Variants in AVEN observed in about 807,000 individuals in gnomAD.
AVEN encodes apoptosis and caspase activation inhibitor.
Under a neutral mutation model 38.1 loss-of-function variants are expected in AVEN, and 41 were observed. That is an observed-to-expected ratio of 1.08 (90% CI 0.84 to 1.40). The LOEUF is 1.40. AVEN is among the 40% of genes most tolerant of loss of function. AVEN has a pLI of 0.00. For synonymous variants in AVEN, 206 were observed against 171.8 expected, an observed-to-expected ratio of 1.20 and a Z score of -1.56; for missense variants, 605 against 438.8, an observed-to-expected ratio of 1.38 and a Z score of -3.38.
intron 11 of AVEN, among the ~76,000 whole-genome samples, chr15:33,860,005 C>T (rs2153014465): frequency 6.6e-6 from 1 of 152,302 alleles, no homozygotes; most frequent in South Asian, 2.1e-4. Context: ...ACTTCTGCTT[C>T]TGAGATCTCT....
intron 1 of AVEN, among the ~76,000 whole-genome samples, chr15:34,018,623 G>C (rs1487987652): frequency 9.2e-5 from 14 of 152,218 alleles, no homozygotes; most frequent in Admixed American, 9.2e-4. Flanking sequence ...GCAGCAGCAA[G>C]ACTTATTGTG....
intron 2 of AVEN, among the ~76,000 whole-genome samples, chr15:33,894,319 G>A (rs1892116276): frequency 6.6e-6 from 1 of 151,922 alleles, no homozygotes; most frequent in Admixed American, 6.6e-5. Flanking sequence ...ACTGAACTCT[G>A]CCCAATCTCC....
intron 1 of AVEN, among the ~76,000 whole-genome samples, chr15:34,033,848 C>T (rs530307818): frequency 3.2e-4 from 48 of 152,212 alleles, no homozygotes; most frequent in Non-Finnish European, 6.2e-4. Context: ...AGAGCAGTGG[C>T]GCAATTTCGG....
intron 2 of AVEN, among the ~76,000 whole-genome samples, chr15:33,939,642 C>A (rs1434024029): frequency 6.6e-6 from 1 of 152,204 alleles, no homozygotes; most frequent in African/African-American, 2.4e-5. Context: ...TACTATCCCT[C>A]GTGTTTAGCT....
At chr15:33,861,165 T>G in intron 11 of AVEN, 1 of 1,588,888 alleles carries the variant, frequency 6.3e-7, no homozygotes, top group Non-Finnish European at 8.6e-7. Flanking sequence ...AGAGCACAAC[T>G]TAGCCAACTA....
intron 2 of AVEN, among the ~76,000 whole-genome samples, chr15:33,900,101 C>CA (rs1404603761): frequency 6.6e-6 from 1 of 151,868 alleles, no homozygotes; most frequent in Non-Finnish European, 1.5e-5. Flanking sequence ...TATGAATCAC[C>CA]TTTTTTTTCT....
chr15:34,063,115 C>T lies in AVEN; in HGVS notation n.1444G>A. On this transcript the variant is annotated non_coding_transcript_exon_variant, in exon 5 of 12. Coordinates refer to the AVEN transcript ENST00000675287. This position sits in a 1 kb window ranked among gnomAD's most constrained non-coding sequence, Gnocchi z 4.1. ...AGTTTTGACCGTTACTTTTCCATCA[C>T]AAGACCCTTGACATATCGGGCCAAG... 1 of 1,614,196 alleles carries T rather than the reference C, an allele frequency of 6.2e-7. No homozygotes were observed. The highest frequency in any genetic ancestry group is 8.5e-7 in the Non-Finnish European group (1 of 1,180,036).
intron 2 of AVEN, among the ~76,000 whole-genome samples, chr15:33,985,187 GT>G (rs1254261485): frequency 2.0e-5 from 3 of 151,978 alleles, no homozygotes; most frequent in African/African-American, 4.8e-5. Flanking sequence ...GCCTGTTACT[GT>G]TTCATGGGTG....
chr15:33,926,448 T>C (rs1435528400), intron 2 of AVEN, among the ~76,000 whole-genome samples: 3 of 152,152 alleles, frequency 2.0e-5, no homozygotes, highest in Non-Finnish European at 2.9e-5. Context: ...GAGTCTGAGC[T>C]TTGACCCCAG....
At chr15:34,065,517 C>G (rs1212704981) in intron 4 of AVEN, 1 of 152,124 alleles carries the variant, frequency 6.6e-6, no homozygotes, top group African/African-American at 2.4e-5. Context: ...CTAAAAATGA[C>G]TTCTTTATTC....
chr15:33,933,448 T>A (rs959712070), intron 2 of AVEN, among the ~76,000 whole-genome samples: 3 of 148,356 alleles, frequency 2.0e-5, no homozygotes, highest in Non-Finnish European at 4.4e-5. Context: ...AACACTCCAA[T>A]TGAATTAGGC....
At position 33,866,398 on chromosome 15, in the gene AVEN, A is replaced by G. The variant is rs1890495772; in HGVS notation, c.*215T>C. 2 of 575,448 alleles carry G rather than the reference A, an allele frequency of 3.5e-6. No homozygotes were observed. Among genetic ancestry groups the G allele is most frequent in the African/African-American group, 1.9e-5 (1 of 53,460 alleles). The allele number at this position is 575,448 out of a possible 1,614,324, so 35.6% of individuals were successfully genotyped here. On this transcript the variant is annotated 3_prime_UTR_variant, in exon 6 of 6. Transcript: ENST00000306730. ...CTATCTCCTGCCCTTAAGGAAATCT[A>G]TTAGATTACTAAGCCAGAAAAACAA...
At chr15:34,003,280 CA>C in intron 1 of AVEN, 71 bp from the exon 2 acceptor site, 1 of 1,315,116 alleles carries the variant, frequency 7.6e-7, no homozygotes, top group Non-Finnish European at 1.1e-6. Context: ...CCCAGTAAAA[CA>C]AAAAAGTACA....
chr15:33,965,195 G>T (rs750754209), intron 2 of AVEN, among the ~76,000 whole-genome samples: 19 of 152,114 alleles, frequency 1.2e-4, no homozygotes, highest in Non-Finnish European at 2.4e-4. Context: ...AAAATGGCAT[G>T]GCATGACTCA....
intron 2 of AVEN, among the ~76,000 whole-genome samples, chr15:33,958,997 C>T (rs1475791660): frequency 6.6e-6 from 1 of 152,164 alleles, no homozygotes; most frequent in East Asian, 1.9e-4. Context: ...AGCCATTGGT[C>T]TCCTCAGACC....
intron 5 of AVEN, chr15:34,062,615 G>A (rs537330093): frequency 1.1e-5 from 11 of 1,000,588 alleles, no homozygotes; most frequent in South Asian, 9.8e-5. Flanking sequence ...GCTGGTGTGC[G>A]AAGCTAATGT....
intron 2 of AVEN, among the ~76,000 whole-genome samples, chr15:33,929,689 A>C (rs549936421): frequency 3.5e-4 from 54 of 152,348 alleles, no homozygotes; most frequent in African/African-American, 1.2e-3. Context: ...ACTGTGACTA[A>C]TTATTCTTTA....
chr15:33,870,615 G>T (rs903526259), intron 4 of AVEN, among the ~76,000 whole-genome samples: 1 of 152,156 alleles, frequency 6.6e-6, no homozygotes, highest in African/African-American at 2.4e-5. Context: ...ACATCTGTCT[G>T]TTCACCACTG....
intron 2 of AVEN, among the ~76,000 whole-genome samples, chr15:33,946,285 C>A (rs777420598): frequency 5.3e-5 from 8 of 152,000 alleles, no homozygotes; most frequent in Non-Finnish European, 8.8e-5. Flanking sequence ...GAAAAACAGC[C>A]CAAAATAAAG....
Sources: allele counts gnomAD v4.1 joint callset (sites outside exome capture counted in the v4.1 genomes callset), GRCh38; gene constraint gnomAD v4.1.1; non-coding constraint Gnocchi (gnomAD v3.1); transcripts MANE v1.5; gene names NCBI Gene and HGNC (gene_info 2026-07-23, HGNC 2026-07-21).